Variants in PIEZO2 observed in about 807,000 individuals in gnomAD.
The protein encoded by PIEZO2 is piezo type mechanosensitive ion channel component 2.
A neutral mutation model predicts 337.3 loss-of-function variants in PIEZO2; 172 were observed. The observed-to-expected ratio is 0.51, with a 90% confidence interval of 0.45 to 0.58. The LOEUF (loss-of-function observed/expected upper bound fraction) is 0.58. Among genes scored for constraint, PIEZO2 ranks in the 20% least tolerant of loss-of-function variants. The pLI is 0.00. For synonymous variants in PIEZO2, 1,251 were observed against 1,228.5 expected (o/e 1.02, Z -0.38); for missense variants, 3,028 against 3,391.3 (o/e 0.89, Z 2.66).
At position 10,863,574 on chromosome 18, in the gene PIEZO2, T is replaced by C. The variant is rs2041930768; in HGVS notation, c.493-6363A>G. ...GTTAGACCAATGCCTAAAGGATCTG[T>C]GGAGCTTTGAAAAAACTAGTCCAAT... On this transcript the variant is annotated intron_variant, in intron 5 of 55. Coordinates refer to ENST00000674853, the MANE Select transcript of PIEZO2 (RefSeq NM_001378183.1). This position sits in a 1 kb window ranked among gnomAD's most constrained non-coding sequence, Gnocchi z 4.3. Among the ~76,000 whole-genome samples the C allele has an allele frequency of 6.6e-6, 1 of 152,170 alleles. No homozygotes were observed. Among genetic ancestry groups the C allele is most frequent in the Non-Finnish European group, 1.5e-5 (1 of 68,036 alleles).
intron 4 of PIEZO2, among the ~76,000 whole-genome samples, chr18:10,884,967 C>G (rs906158869): frequency 1.2e-4 from 19 of 152,014 alleles, no homozygotes; most frequent in African/African-American, 4.3e-4. Flanking sequence ...GTGTGAGCGT[C>G]TATCATATCA....
At chr18:11,076,801 A>G (rs2038563253) in intron 1 of PIEZO2, among the ~76,000 whole-genome samples, 1 of 152,226 alleles carries the variant, frequency 6.6e-6, no homozygotes, top group Non-Finnish European at 1.5e-5. Context: ...AGTTTCACTG[A>G]GTTTTCTAAA....
chr18:10,856,088 T>C lies in PIEZO2; in HGVS notation c.704-522A>G, dbSNP rs2041697389. Reference sequence around the variant, plus strand: ...TATTTTATTTTATTTTTTGTAGGGATGGGGTTTTGCCAAGTAGCGCAGGTT... The same window carrying C: ...TATTTTATTTTATTTTTTGTAGGGACGGGGTTTTGCCAAGTAGCGCAGGTT... On this transcript the variant is annotated intron_variant, in intron 6 of 55. Coordinates refer to ENST00000674853, the MANE Select transcript of PIEZO2 (RefSeq NM_001378183.1). The surrounding 1 kb of genome is among the most constrained non-coding windows in gnomAD (Gnocchi z 4.7). Among the ~76,000 whole-genome samples, 1 of 152,122 alleles carries C rather than the reference T, an allele frequency of 6.6e-6. No homozygotes were observed. The highest frequency in any genetic ancestry group is 1.5e-5 in the Non-Finnish European group (1 of 68,028).
Position 11,146,332 on chromosome 18 carries a change from C to T in PIEZO2, c.64+2193G>A, listed in dbSNP as rs534542630. ...AGGCAGCGGGAGCCCCCAGCCTGCC[C>T]TGGGGCACAAGCCAGCCAGCAGGAG... On this transcript the variant is annotated intron_variant, in intron 1 of 55. Coordinates refer to ENST00000674853, the MANE Select transcript of PIEZO2 (RefSeq NM_001378183.1). The surrounding 1 kb of genome is among the most constrained non-coding windows in gnomAD (Gnocchi z 6.1). Among the ~76,000 whole-genome samples, 77 of 152,292 alleles carry T rather than the reference C, an allele frequency of 5.1e-4. 1 individual carries two copies. The highest frequency in any genetic ancestry group is 8.7e-4 in the Non-Finnish European group (59 of 68,008).
chr18:11,093,732 G>A (rs527795010), intron 1 of PIEZO2, among the ~76,000 whole-genome samples: 1 of 151,814 alleles, frequency 6.6e-6, no homozygotes, highest in East Asian at 2.0e-4. Context: ...GACTACAGGC[G>A]CCCACCACCA....
At chr18:10,866,520 C>G (rs1032033521) in intron 5 of PIEZO2, among the ~76,000 whole-genome samples, 1 of 152,170 alleles carries the variant, frequency 6.6e-6, no homozygotes, top group Non-Finnish European at 1.5e-5. Flanking sequence ...ATCCCGACCT[C>G]GTGATCTGCC....
chr18:10,871,120 T>TA, intron 5 of PIEZO2, 133 bp downstream of exon 5: 1 of 955,374 alleles, frequency 1.0e-6, no homozygotes, highest in South Asian at 1.9e-5. Flanking sequence ...AATTTGACAG[T>TA]AAACGTTTAT....
chr18:11,120,878 A>AT (rs1001871289), intron 1 of PIEZO2, among the ~76,000 whole-genome samples: 1 of 152,114 alleles, frequency 6.6e-6, no homozygotes, highest in Admixed American at 6.5e-5. Context: ...TTTACTTGCA[A>AT]TTTTTTTTAA....
At chr18:11,095,188 C>G (rs578082824) in intron 1 of PIEZO2, among the ~76,000 whole-genome samples, 28 of 152,366 alleles carry the variant, frequency 1.8e-4, no homozygotes, top group Non-Finnish European at 3.7e-4. Context: ...GTAGACCATT[C>G]TTATTCCATT....
Position 10,726,285 on chromosome 18 carries a change from C to T in PIEZO2, c.5029+5122G>A. On this transcript the variant is annotated intron_variant, in intron 36 of 55. Transcript: ENST00000674853. The surrounding 1 kb of genome is among the most constrained non-coding windows in gnomAD (Gnocchi z 5.9). ...TTCGGGAGCATGAGAATGGAAGCGT[C>T]GCGGCCAGAGCCCCGGCCAGGTGGA... 3.2e-6 allele frequency: 3 copies of T among 929,160 alleles called. No homozygotes were observed. Among genetic ancestry groups the T allele is most frequent in the Non-Finnish European group, 5.0e-6 (3 of 605,550 alleles). 57.6% of individuals were successfully genotyped at this position (929,160 alleles called of 1,614,324 possible). A position where few individuals can be genotyped will look rare whatever the true frequency, so the allele number is the denominator to read the frequency against.
chr18:11,134,827 A>G lies in PIEZO2; in HGVS notation c.64+13698T>C, dbSNP rs140919737. 4.1e-3 allele frequency among the ~76,000 whole-genome samples: 629 copies of G among 152,270 alleles called. 2 individuals carry two copies. The highest frequency in any genetic ancestry group is 0.014 in the African/African-American group (584 of 41,562). On this transcript the variant is annotated intron_variant, in intron 1 of 55. Transcript: ENST00000674853. ...ATAAAATAAATAAAAATGTTTCCCA[A>G]TAGGAATTACATCACAAAATTCAAA... is the stretch of plus-strand genomic sequence containing the variant.
rs2038603526 is a variant in PIEZO2 at position 11,078,019 on chromosome 18, T to C, written c.65-11797A>G. Among the ~76,000 whole-genome samples, 1 of 146,886 alleles carries C rather than the reference T, an allele frequency of 6.8e-6. No individual in the cohort carries two copies. On this transcript the variant is annotated intron_variant, in intron 1 of 55. Transcript: ENST00000674853. The surrounding 1 kb of genome is among the most constrained non-coding windows in gnomAD (Gnocchi z 5.3). ...ACACACACATACACGCAAAAACACATGTGCGTGCACACACACCCACACACA... is the reference window on the plus strand; with the variant it reads ...ACACACACATACACGCAAAAACACACGTGCGTGCACACACACCCACACACA...
intron 4 of PIEZO2, among the ~76,000 whole-genome samples, chr18:10,882,601 T>C (rs2042452936): frequency 6.6e-6 from 1 of 152,166 alleles, no homozygotes; most frequent in Non-Finnish European, 1.5e-5. Context: ...AAACATTTTT[T>C]CCCATCATCT....
In PIEZO2 at chr18:10,714,929, C is replaced by T. The variant is rs758181980; in HGVS notation, c.5258G>A (p.Gly1753Asp). Residue 1753 changes from glycine to aspartate, a missense_variant and splice_region_variant, in exon 39 of 56, where the codon GGC (glycine) becomes GAC (aspartate). Coordinates refer to ENST00000674853, the MANE Select transcript of PIEZO2 (RefSeq NM_001378183.1). ...GATGCTCTCCCGAGTTGGAACATTGCCCTGAGGAGAATGAGACATTGCCAC... is the reference window on the plus strand; with the variant it reads ...GATGCTCTCCCGAGTTGGAACATTGTCCTGAGGAGAATGAGACATTGCCAC... ...RCMLTREIKK[G>D]NVPTRESIHM... 17 of 1,536,906 alleles carry T rather than the reference C, an allele frequency of 1.1e-5. No homozygotes were observed. The highest frequency in any genetic ancestry group is 1.5e-5 in the Non-Finnish European group (17 of 1,146,734).
rs1225078140 is a variant in PIEZO2 at position 10,726,436 on chromosome 18, A to T, written c.5029+4971T>A. ...CACAACGCGGAGGGCCGGCTGCGGT[A>T]CGGGCTACGGCCGGCGAACCCCACG... On this transcript the variant is annotated intron_variant, in intron 36 of 55. Coordinates refer to ENST00000674853, the MANE Select transcript of PIEZO2 (RefSeq NM_001378183.1). This position sits in a 1 kb window ranked among gnomAD's most constrained non-coding sequence, Gnocchi z 5.9. 6.5e-7 allele frequency: 1 copy of T among 1,530,056 alleles called. No homozygotes were observed. The highest frequency in any genetic ancestry group is 1.4e-5 in the African/African-American group (1 of 72,742). The allele number at this position is 1,530,056 out of a possible 1,614,324, so 94.8% of individuals were successfully genotyped here.
In PIEZO2 at chr18:10,748,328, A is replaced by C; in HGVS notation, c.4424+143T>G. 6.1e-6 allele frequency: 5 copies of C among 817,162 alleles called. No homozygotes were observed. Among genetic ancestry groups the C allele is most frequent in the Non-Finnish European group, 9.4e-6 (5 of 532,408 alleles). 50.6% of individuals were successfully genotyped at this position (817,162 alleles called of 1,614,324 possible). A position where few individuals can be genotyped will look rare whatever the true frequency, so the allele number is the denominator to read the frequency against. ...ATTCTATTTTACAGGCCTTGTGCTAAATTCTTCTTGGATTGGTTTTGCTGG... is the reference window on the plus strand; with the variant it reads ...ATTCTATTTTACAGGCCTTGTGCTACATTCTTCTTGGATTGGTTTTGCTGG... On this transcript the variant is annotated intron_variant, in intron 30 of 55. Transcript: ENST00000674853. This position sits in a 1 kb window ranked among gnomAD's most constrained non-coding sequence, Gnocchi z 5.1.
chr18:10,729,608 A>G (rs543644234), intron 36 of PIEZO2, among the ~76,000 whole-genome samples: 1 of 139,956 alleles, frequency 7.1e-6, no homozygotes, highest in South Asian at 2.4e-4. Context: ...TGTGTGACAC[A>G]GCGAGACTCT....
intron 54 of PIEZO2, among the ~76,000 whole-genome samples, 173 bp downstream of exon 54, chr18:10,675,036 T>G (rs879393815): frequency 2.0e-5 from 3 of 152,196 alleles, no homozygotes; most frequent in Non-Finnish European, 2.9e-5. Context: ...GGGTCCCAGG[T>G]GAGTGAGTGA....
At position 11,112,917 on chromosome 18, in the gene PIEZO2, C is replaced by A. The variant is rs150431196; in HGVS notation, c.64+35608G>T. ...TCTCTGGGCCCATCTAAGACTGCCT[C>A]CCAGGGTTTTCTCAGGTTCAAGCTG... On this transcript the variant is annotated intron_variant, in intron 1 of 55. Coordinates refer to ENST00000674853, the MANE Select transcript of PIEZO2 (RefSeq NM_001378183.1). This position sits in a 1 kb window ranked among gnomAD's most constrained non-coding sequence, Gnocchi z 4.3. Among the ~76,000 whole-genome samples the A allele has an allele frequency of 1.3e-5, 2 of 152,298 alleles. No homozygotes were observed. Among genetic ancestry groups the A allele is most frequent in the East Asian group, 3.9e-4 (2 of 5,176 alleles).
Sources: allele counts gnomAD v4.1 joint callset (sites outside exome capture counted in the v4.1 genomes callset), GRCh38; gene constraint gnomAD v4.1.1; non-coding constraint Gnocchi (gnomAD v3.1); transcripts MANE v1.5; gene names NCBI Gene and HGNC (gene_info 2026-07-23, HGNC 2026-07-21).